CENPM: variants seen among roughly 807,000 people sequenced by gnomAD.
The protein encoded by CENPM is centromere protein M, also known as interphase centromere complex protein 39.
Under a neutral mutation model 19.6 loss-of-function variants are expected in CENPM, and 14 were observed. That is an observed-to-expected ratio of 0.71 (90% confidence interval 0.47 to 1.11). The LOEUF (loss-of-function observed/expected upper bound fraction) is 1.11. CENPM is among the 50% of genes most tolerant of loss of function. The pLI is 0.00. For missense variants in CENPM, 239 were observed against 228.4 expected, an observed-to-expected ratio of 1.05 and a Z score of -0.30; for synonymous variants, 114 against 101.5, an observed-to-expected ratio of 1.12 and a Z score of -0.74.
At chr22:41,931,402 C>T in the CENPM span, among the ~76,000 whole-genome samples, 311 of 151,826 alleles carry the variant, frequency 2.0e-3, 2 homozygotes, top group Middle Eastern at 0.014. Context: ...ATTGTTTGAA[C>T]CCGGAAGCCA....
chr22:41,940,029 C>T, intron 5 of CENPM: 1 of 661,692 alleles, frequency 1.5e-6, no homozygotes, highest in Non-Finnish European at 2.8e-6. Flanking sequence ...CCCAAGCCCT[C>T]CAGCAGCTCC....
At chr22:41,944,184 C>A in intron 4 of CENPM, 1 of 977,904 alleles carries the variant, frequency 1.0e-6, no homozygotes. Context: ...TGGCTCAGGC[C>A]TGTAATCCCA....
At chr22:41,940,492 T>C (rs2077729826) in intron 5 of CENPM, among the ~76,000 whole-genome samples, 1 of 152,200 alleles carries the variant, frequency 6.6e-6, no homozygotes, top group African/African-American at 2.4e-5. Flanking sequence ...TTCAAGCGAT[T>C]CTTGTGCTTC....
At chr22:41,930,613 G>C in the CENPM span, among the ~76,000 whole-genome samples, 1 of 151,918 alleles carries the variant, frequency 6.6e-6, no homozygotes, top group Non-Finnish European at 1.5e-5. Context: ...CCAACTCCCA[G>C]GTTCAAGCGA....
chr22:41,945,031 G>C, intron 4 of CENPM, 194 bp downstream of exon 4: 1 of 1,404,748 alleles, frequency 7.1e-7, no homozygotes, highest in South Asian at 1.5e-5. Context: ...TTGTCACCCA[G>C]GTATTAAGCC....
rs756847529 is a variant in CENPM at position 41,939,132 on chromosome 22, T to C, written c.467A>G (p.His156Arg). Residue 156 changes from histidine to arginine, a missense_variant, in exon 6 of 6, where the codon CAC (histidine) becomes CGC (arginine). His to Arg is a conservative substitution (Grantham distance 29). Coordinates refer to ENST00000215980, the MANE Select transcript of CENPM (RefSeq NM_024053.5). ...LVRVLQICAG[H>R]VPGVSALNLL... is the part of the protein sequence containing the mutation. ...GTTCAGAGCTGAGACACCGGGCACG[T>C]GGCCAGCACAGATCTGCAGCACGCG... 1 of 1,612,928 alleles carries C rather than the reference T, an allele frequency of 6.2e-7. No individual in the cohort carries two copies. The highest frequency in any genetic ancestry group is 1.1e-5 in the South Asian group (1 of 91,064).
chr22:41,933,306 C>T, the CENPM span, among the ~76,000 whole-genome samples: 1 of 151,794 alleles, frequency 6.6e-6, no homozygotes, highest in Non-Finnish European at 1.5e-5. Flanking sequence ...GCCTGCCACA[C>T]TACACACATC....
chr22:41,929,199 C>A, the CENPM span, among the ~76,000 whole-genome samples: 1 of 151,920 alleles, frequency 6.6e-6, no homozygotes, highest in African/African-American at 2.4e-5. Flanking sequence ...GCAGGGAAGG[C>A]CTCTCTGTGA....
At chr22:41,935,367 C>T (rs1465241130), downstream of CENPM, among the ~76,000 whole-genome samples, 2 of 152,090 alleles carry the variant, frequency 1.3e-5, no homozygotes, top group African/African-American at 4.8e-5. Flanking sequence ...ATCCACACCG[C>T]CTTCCTCCCC....
the CENPM span, among the ~76,000 whole-genome samples, chr22:41,928,542 G>A: frequency 6.6e-5 from 10 of 152,324 alleles, no homozygotes; most frequent in East Asian, 1.9e-3. The surrounding 1 kb of genome is among the most constrained non-coding windows in gnomAD (Gnocchi z 4.0). Context: ...AAACTCAGGG[G>A]CTGGGGAGGG....
chr22:41,934,363 C>T (rs1471905993), downstream of CENPM, among the ~76,000 whole-genome samples: 3 of 152,180 alleles, frequency 2.0e-5, no homozygotes, highest in Admixed American at 6.5e-5. Flanking sequence ...TGTGTGACTC[C>T]GAGTAAGCTC....
chr22:41,938,227 C>T (rs73432628), downstream of CENPM, among the ~76,000 whole-genome samples: 18,634 of 151,138 alleles, frequency 0.12, 1,664 homozygotes, highest in Admixed American at 0.29. Flanking sequence ...ACACCACCTC[C>T]GCCTCCCAGG....
intron 1 of CENPM, 163 bp downstream of exon 1, chr22:41,946,857 G>T: frequency 1.5e-6 from 1 of 667,180 alleles, no homozygotes; most frequent in Non-Finnish European, 2.7e-6. Context: ...ACCTCAGAGA[G>T]CGGCTACTCC....
At chr22:41,944,504 C>G (rs1023497) in intron 4 of CENPM, 55,901 of 245,138 alleles carry the variant, frequency 0.23, 7,305 homozygotes, top group Admixed American at 0.37. Flanking sequence ...CTTGGCTCTA[C>G]CACTTTTCAT....
At chr22:41,930,029 C>T in the CENPM span, among the ~76,000 whole-genome samples, 16 of 147,584 alleles carry the variant, frequency 1.1e-4, no homozygotes, top group Non-Finnish European at 2.2e-4. Flanking sequence ...CTGCAAGCTC[C>T]GCCTCCCAGG....
downstream of CENPM, among the ~76,000 whole-genome samples, chr22:41,934,558 A>G (rs113082240): frequency 4.5e-4 from 69 of 152,318 alleles, no homozygotes; most frequent in African/African-American, 1.6e-3. Context: ...CGTCATGACC[A>G]TGGCCACCCT....
intron 5 of CENPM, among the ~76,000 whole-genome samples, chr22:41,939,784 A>G (rs1229990113): frequency 3.2e-5 from 4 of 124,740 alleles, no homozygotes; most frequent in Non-Finnish European, 4.8e-5. Context: ...TCAAAAAAGA[A>G]AGAAAAAGAA....
At chr22:41,940,152 G>A in intron 5 of CENPM, 2 of 772,276 alleles carry the variant, frequency 2.6e-6, no homozygotes. Flanking sequence ...GAGCACACCA[G>A]GCAAGTCCCA....
chr22:41,942,491 C>A (rs1257908317), intron 5 of CENPM, among the ~76,000 whole-genome samples: 1 of 152,132 alleles, frequency 6.6e-6, no homozygotes, highest in Non-Finnish European at 1.5e-5. Context: ...TGGCTCATGC[C>A]TGTAATCCCA....
Sources: allele counts gnomAD v4.1 joint callset (sites outside exome capture counted in the v4.1 genomes callset), GRCh38; gene constraint gnomAD v4.1.1; non-coding constraint Gnocchi (gnomAD v3.1); transcripts MANE v1.5; gene names NCBI Gene and HGNC (gene_info 2026-07-23, HGNC 2026-07-21).